PCDH9: variants seen among roughly 807,000 people sequenced by gnomAD.
The protein encoded by PCDH9 is protocadherin 9, also known as protocadherin-9.
A neutral mutation model predicts 70.6 loss-of-function variants in PCDH9; 24 were observed. That is an observed-to-expected ratio of 0.34 (90% CI 0.25 to 0.48). The LOEUF (loss-of-function observed/expected upper bound fraction) is 0.48. PCDH9 is among the 20% of genes least tolerant of loss of function. The pLI is 0.99. For missense variants in PCDH9, 1,281 were observed against 1,503.6 expected (o/e 0.85, Z 2.45); for synonymous variants, 562 against 558.5 (o/e 1.01, Z -0.09).
intron 4 of PCDH9, among the ~76,000 whole-genome samples, chr13:66,407,558 C>T (rs1822454154): frequency 6.6e-6 from 1 of 152,100 alleles, no homozygotes; most frequent in Non-Finnish European, 1.5e-5. Context: ...AGGTATAAAA[C>T]TTAATTTAGA....
At chr13:66,773,586 C>T (rs1006643124) in intron 3 of PCDH9, among the ~76,000 whole-genome samples, 3 of 149,846 alleles carry the variant, frequency 2.0e-5, no homozygotes, top group Admixed American at 6.7e-5. Flanking sequence ...GCCGAGATTG[C>T]GCTACTGCAC....
At chr13:66,468,409 C>T (rs1051201014) in intron 4 of PCDH9, among the ~76,000 whole-genome samples, 1 of 152,214 alleles carries the variant, frequency 6.6e-6, no homozygotes, top group East Asian at 1.9e-4. Flanking sequence ...CAGAGTGAAA[C>T]TTTTAAAAGA....
chr13:66,502,479 T>A, intron 4 of PCDH9, among the ~76,000 whole-genome samples: 1 of 152,156 alleles, frequency 6.6e-6, no homozygotes, highest in Non-Finnish European at 1.5e-5. Flanking sequence ...AGTGATATAT[T>A]CTTTTGGTAA....
At chr13:66,896,228 C>T (rs1262639096) in intron 3 of PCDH9, among the ~76,000 whole-genome samples, 9 of 152,258 alleles carry the variant, frequency 5.9e-5, no homozygotes, top group African/African-American at 1.9e-4. Flanking sequence ...GGTGGAAAAT[C>T]TGATAACTGA....
chr13:67,012,405 CACA>C (rs1388564277), intron 2 of PCDH9, among the ~76,000 whole-genome samples: 1 of 151,798 alleles, frequency 6.6e-6, no homozygotes, highest in African/African-American at 2.4e-5. Context: ...TTTTTCAAGG[CACA>C]ACAAGTAAGT....
chr13:66,751,230 A>G (rs1248699420), intron 3 of PCDH9, among the ~76,000 whole-genome samples: 1 of 151,962 alleles, frequency 6.6e-6, no homozygotes, highest in African/African-American at 2.4e-5. Context: ...TTTTCATTTT[A>G]TAGATACATG....
Position 66,727,219 on chromosome 13 carries a change from C to T in PCDH9, c.3139-95808G>A, listed in dbSNP as rs144501629. ...AAGGCTGCAGTGAGCTATGATCATGCCACTGCACACCAGCCAGGATGACAG... is the reference window on the plus strand; with the variant it reads ...AAGGCTGCAGTGAGCTATGATCATGTCACTGCACACCAGCCAGGATGACAG... On this transcript the variant is annotated intron_variant, in intron 3 of 4. Coordinates refer to ENST00000377865, the MANE Select transcript of PCDH9 (RefSeq NM_203487.3). Among the ~76,000 whole-genome samples the T allele has an allele frequency of 1.4e-3, 210 of 152,188 alleles. 3 individuals are homozygous for T. Among genetic ancestry groups the T allele is most frequent in the African/African-American group, 4.8e-3 (201 of 41,534 alleles).
At chr13:67,200,168 A>T (rs2138048832) in intron 2 of PCDH9, among the ~76,000 whole-genome samples, 1 of 152,250 alleles carries the variant, frequency 6.6e-6, no homozygotes, top group East Asian at 1.9e-4. Context: ...AAATGGCATC[A>T]ATAATTTTTT....
intron 3 of PCDH9, among the ~76,000 whole-genome samples, chr13:66,698,744 A>G (rs1171865935): frequency 2.0e-5 from 3 of 151,770 alleles, no homozygotes; most frequent in Non-Finnish European, 2.9e-5. Flanking sequence ...CACCTGGTTC[A>G]TGTTTACATT....
intron 4 of PCDH9, among the ~76,000 whole-genome samples, chr13:66,365,516 G>A (rs1164052501): frequency 6.6e-6 from 1 of 152,182 alleles, no homozygotes; most frequent in Non-Finnish European, 1.5e-5. Flanking sequence ...CTCATCAGAT[G>A]AGGTATTACT....
At chr13:66,683,719 A>G (rs1267501319) in intron 3 of PCDH9, among the ~76,000 whole-genome samples, 6 of 152,170 alleles carry the variant, frequency 3.9e-5, no homozygotes, top group Non-Finnish European at 8.8e-5. Context: ...ACAGGTTTTA[A>G]AATTGTATGC....
intron 2 of PCDH9, among the ~76,000 whole-genome samples, chr13:67,114,934 CAGTT>C (rs1448902173): frequency 2.0e-5 from 3 of 152,154 alleles, no homozygotes; most frequent in Admixed American, 6.5e-5. Flanking sequence ...ACGGTTTTGA[CAGTT>C]AGTTGGTGTC....
intron 4 of PCDH9, among the ~76,000 whole-genome samples, chr13:66,618,795 G>C (rs1206875279): frequency 6.6e-6 from 1 of 152,088 alleles, no homozygotes; most frequent in Non-Finnish European, 1.5e-5. Context: ...CCAGGGTTAA[G>C]TAAATGCCAT....
chr13:67,108,367 A>G (rs974959170), intron 2 of PCDH9, among the ~76,000 whole-genome samples: 1 of 152,336 alleles, frequency 6.6e-6, no homozygotes, highest in Middle Eastern at 3.4e-3. Flanking sequence ...AGCTAAAAGT[A>G]ACTGATAACA....
At chr13:67,212,820 G>A (rs1231388932) in intron 2 of PCDH9, 1 of 151,988 alleles carries the variant, frequency 6.6e-6, no homozygotes, top group African/African-American at 2.4e-5. Flanking sequence ...GATGTGAAAG[G>A]TACAGTCCAG....
intron 4 of PCDH9, among the ~76,000 whole-genome samples, chr13:66,581,746 A>AG (rs2076894974): frequency 6.6e-6 from 1 of 152,168 alleles, no homozygotes; most frequent in Non-Finnish European, 1.5e-5. Context: ...TGTAAAAACA[A>AG]GCAACTCAAT....
At chr13:66,561,175 G>A (rs183278842) in intron 4 of PCDH9, among the ~76,000 whole-genome samples, 1,759 of 152,316 alleles carry the variant, frequency 0.012, 18 homozygotes, top group Non-Finnish European at 0.016. Flanking sequence ...GGCTGGCCCC[G>A]CCACCGGGGC....
chr13:66,956,204 T>C (rs551058009), intron 2 of PCDH9, among the ~76,000 whole-genome samples: 2 of 152,346 alleles, frequency 1.3e-5, no homozygotes, highest in South Asian at 4.1e-4. Flanking sequence ...AAAAGTCATC[T>C]GCTGATGACT....
At chr13:67,141,301 A>C (rs1464697655) in intron 2 of PCDH9, among the ~76,000 whole-genome samples, 3 of 151,992 alleles carry the variant, frequency 2.0e-5, no homozygotes, top group Non-Finnish European at 4.4e-5. Context: ...AAGAAAGGGA[A>C]ATGGGGCCGA....
Sources: gnomAD v4.1 joint callset for allele counts (sites outside exome capture counted in the v4.1 genomes callset) on GRCh38, gnomAD v4.1.1 for gene constraint, MANE v1.5 for transcripts, NCBI Gene and HGNC (gene_info 2026-07-23, HGNC 2026-07-21) for gene names.